Variants in LGSN observed in about 807,000 individuals in gnomAD.
LGSN encodes the protein lengsin.
In LGSN, 21 loss-of-function variants were observed where a neutral mutation model predicts 19.5. That is an observed-to-expected ratio of 1.07 (90% CI 0.76 to 1.55). LGSN has a LOEUF of 1.55. Among genes scored for constraint, LGSN ranks in the 40% most tolerant of loss-of-function variants. The pLI, the probability that LGSN is intolerant of heterozygous loss-of-function variation, is 0.00. For synonymous variants in LGSN, 257 were observed against 215.6 expected, an observed-to-expected ratio of 1.19 and a Z score of -1.68; for missense variants, 673 against 608.5, an observed-to-expected ratio of 1.11 and a Z score of -1.12.
intron 1 of LGSN, 38 bp downstream of exon 1, chr6:63,319,876 T>A (rs1257831068): frequency 6.8e-7 from 1 of 1,466,038 alleles, no homozygotes; most frequent in East Asian, 2.3e-5. Flanking sequence ...TTACTGTCAA[T>A]ATTTTGGTTA....
At chr6:63,570,334 T>G in the LGSN span, among the ~76,000 whole-genome samples, 1 of 152,158 alleles carries the variant, frequency 6.6e-6, no homozygotes, top group Non-Finnish European at 1.5e-5. Flanking sequence ...CCATCTCAAA[T>G]AAATACATAA....
the LGSN span, among the ~76,000 whole-genome samples, chr6:63,518,550 G>A: frequency 5.3e-5 from 8 of 152,212 alleles, no homozygotes; most frequent in Non-Finnish European, 1.0e-4. Context: ...TGGGGGCAAT[G>A]TAGGTATCAG....
At chr6:63,462,834 A>G in the LGSN span, among the ~76,000 whole-genome samples, 2 of 152,222 alleles carry the variant, frequency 1.3e-5, no homozygotes, top group Non-Finnish European at 2.9e-5. Flanking sequence ...GGTAGATAGG[A>G]TAAACCGGAA....
chr6:63,530,071 G>A, the LGSN span, among the ~76,000 whole-genome samples: 1 of 151,992 alleles, frequency 6.6e-6, no homozygotes, highest in Non-Finnish European at 1.5e-5. Context: ...ATAGGGCAAG[G>A]ATAATAACAG....
chr6:63,409,302 C>A, the LGSN span, among the ~76,000 whole-genome samples: 1 of 152,150 alleles, frequency 6.6e-6, no homozygotes, highest in South Asian at 2.1e-4. Context: ...TTAATGTAAT[C>A]TTTCTTTAGA....
intron 1 of LGSN, among the ~76,000 whole-genome samples, chr6:63,318,189 A>G (rs1039053804): frequency 6.6e-6 from 1 of 152,190 alleles, no homozygotes; most frequent in Non-Finnish European, 1.5e-5. Context: ...CATTTTACTG[A>G]ATATTCTGAC....
chr6:63,337,909 G>A, the LGSN span, among the ~76,000 whole-genome samples: 2 of 151,946 alleles, frequency 1.3e-5, no homozygotes, highest in South Asian at 4.2e-4. Context: ...CTTTTGAGAT[G>A]GAGTCTTGCT....
At chr6:63,502,817 C>A in the LGSN span, among the ~76,000 whole-genome samples, 2 of 152,246 alleles carry the variant, frequency 1.3e-5, no homozygotes, top group South Asian at 4.1e-4. Flanking sequence ...AAATTTCATC[C>A]CTCTGCATGC....
chr6:63,333,491 GAAAGAACAAAAGAATGAAAGAACA>G, the LGSN span, among the ~76,000 whole-genome samples: 2 of 144,790 alleles, frequency 1.4e-5, no homozygotes, highest in South Asian at 2.2e-4. Context: ...AAGAAGGAAC[GAAAGAACAAAAGAATGAAAGAACA>G]AAAGAACAAA....
At chr6:63,462,663 A>G in the LGSN span, among the ~76,000 whole-genome samples, 1 of 152,324 alleles carries the variant, frequency 6.6e-6, no homozygotes, top group South Asian at 2.1e-4. Flanking sequence ...TAAGAAGTTT[A>G]CTTCAAACTT....
the LGSN span, among the ~76,000 whole-genome samples, chr6:63,470,619 C>T: frequency 6.6e-6 from 1 of 151,928 alleles, no homozygotes; most frequent in Non-Finnish European, 1.5e-5. Flanking sequence ...TTTACTAGGG[C>T]ATTTTTATCC....
At chr6:63,527,081 T>C in the LGSN span, among the ~76,000 whole-genome samples, 11 of 152,226 alleles carry the variant, frequency 7.2e-5, no homozygotes, top group Admixed American at 7.2e-4. Flanking sequence ...TTCTTTTATC[T>C]GAGAGTCCTT....
chr6:63,355,134 A>T, the LGSN span, among the ~76,000 whole-genome samples: 3 of 152,216 alleles, frequency 2.0e-5, no homozygotes, highest in African/African-American at 7.2e-5. Flanking sequence ...AACACATAAA[A>T]ATGATAAATG....
the LGSN span, among the ~76,000 whole-genome samples, chr6:63,535,062 A>AAAT: frequency 3.3e-5 from 5 of 151,906 alleles, no homozygotes; most frequent in Middle Eastern, 3.4e-3. Flanking sequence ...CTCCTTCACA[A>AAAT]AATAATAATA....
the LGSN span, among the ~76,000 whole-genome samples, chr6:63,379,788 A>G: frequency 6.6e-6 from 1 of 152,180 alleles, no homozygotes; most frequent in Non-Finnish European, 1.5e-5. Flanking sequence ...AAAATTTTGC[A>G]GGCTTGTAAA....
the LGSN span, among the ~76,000 whole-genome samples, chr6:63,356,198 T>C: frequency 6.6e-6 from 1 of 152,178 alleles, no homozygotes; most frequent in Non-Finnish European, 1.5e-5. Flanking sequence ...CTTCAAGTTA[T>C]CGTTTTGGGG....
the LGSN span, among the ~76,000 whole-genome samples, chr6:63,413,757 A>G: frequency 6.6e-6 from 1 of 152,226 alleles, no homozygotes; most frequent in Non-Finnish European, 1.5e-5. Flanking sequence ...TTATTTCTAC[A>G]TTAATGTCAT....
At chr6:63,521,179 T>C in the LGSN span, among the ~76,000 whole-genome samples, 1 of 151,926 alleles carries the variant, frequency 6.6e-6, no homozygotes, top group Non-Finnish European at 1.5e-5. Flanking sequence ...TGTATACCTA[T>C]GTAACAAACC....
rs1424944683 is a variant in LGSN, at chr6:63,278,028, C to CGT, written c.*1992_*1993insAC. The CGT allele has an allele frequency of 1.4e-3, 212 of 151,582 alleles. 2 individuals are homozygous for CGT. The highest frequency in any genetic ancestry group is 6.8e-3 in the Middle Eastern group (2 of 292). 9.4% of individuals were successfully genotyped at this position (151,582 alleles called of 1,614,324 possible). A position where few individuals can be genotyped will look rare whatever the true frequency, so the allele number is the denominator to read the frequency against. On this transcript the variant is annotated 3_prime_UTR_variant, in exon 4 of 4. Coordinates refer to ENST00000370657, the MANE Select transcript of LGSN (RefSeq NM_016571.3). ...GGCAGAGGTTGCAGTGAGCCAAGAC[C>CGT]CCCCCACATTGCACTTCAGCCTGGG...
Sources: gnomAD v4.1 joint callset for allele counts (sites outside exome capture counted in the v4.1 genomes callset) on GRCh38, gnomAD v4.1.1 for gene constraint, MANE v1.5 for transcripts, NCBI Gene and HGNC (gene_info 2026-07-23, HGNC 2026-07-21) for gene names.